Variants in NRXN3 observed in about 807,000 individuals in gnomAD.
The protein encoded by NRXN3 is neurexin III.
A neutral mutation model predicts 137.6 loss-of-function variants in NRXN3; 32 were observed. That is an observed-to-expected ratio of 0.23 (90% CI 0.18 to 0.31). NRXN3 has a LOEUF of 0.31. NRXN3 is among the 10% of genes least tolerant of loss of function. The pLI, the probability that NRXN3 is intolerant of heterozygous loss-of-function variation, is 1.00. For synonymous variants in NRXN3, 798 were observed against 784.5 expected, an observed-to-expected ratio of 1.02 and a Z score of -0.29; for missense variants, 1,574 against 2,062.5, an observed-to-expected ratio of 0.76 and a Z score of 4.59.
intron 4 of NRXN3, among the ~76,000 whole-genome samples, chr14:78,343,737 C>A (rs2082392757): frequency 6.6e-6 from 1 of 152,188 alleles, no homozygotes; most frequent in South Asian, 2.1e-4. Flanking sequence ...CAGCACAAAA[C>A]CTCCTCCAGC....
intron 4 of NRXN3, among the ~76,000 whole-genome samples, chr14:78,301,466 T>C (rs1415873242): frequency 2.0e-5 from 3 of 152,210 alleles, no homozygotes; most frequent in African/African-American, 7.2e-5. Flanking sequence ...CCATTTCTAA[T>C]CAAAGCTGTC....
chr14:78,904,852 G>A (rs1010012794), intron 10 of NRXN3, among the ~76,000 whole-genome samples: 1 of 152,020 alleles, frequency 6.6e-6, no homozygotes, highest in Middle Eastern at 3.4e-3. Context: ...TTCCCTACAC[G>A]GCTTTTCATA....
intron 15 of NRXN3, among the ~76,000 whole-genome samples, chr14:79,285,852 G>A (rs974651646): frequency 2.1e-4 from 32 of 151,334 alleles, no homozygotes; most frequent in African/African-American, 7.1e-4. Context: ...CTCACCGTGC[G>A]CTGCCCCCCA....
At position 78,835,485 on chromosome 14, in the gene NRXN3, G is replaced by A. The variant is rs532156019; in HGVS notation, c.2275+25141G>A. On this transcript the variant is annotated intron_variant, in intron 10 of 20. Transcript: ENST00000335750. ...AGGCTATTAGGACTCAGGTTGTGGG[G>A]CATCTGTGTTCTTTGTACACTATGC... is the stretch of plus-strand genomic sequence containing the variant. Among the ~76,000 whole-genome samples, 226 of 152,242 alleles carry A rather than the reference G, an allele frequency of 1.5e-3. 1 individual carries two copies. The highest frequency in any genetic ancestry group is 2.6e-3 in the Non-Finnish European group (178 of 68,018).
At chr14:78,532,900 ACTAT>A (rs1258861064) in intron 4 of NRXN3, among the ~76,000 whole-genome samples, 1 of 151,898 alleles carries the variant, frequency 6.6e-6, no homozygotes, top group Admixed American at 6.6e-5. Context: ...ATGTGACACC[ACTAT>A]CTATCTCAGC....
intron 15 of NRXN3, among the ~76,000 whole-genome samples, chr14:79,433,704 A>G (rs954120228): frequency 6.6e-6 from 1 of 152,210 alleles, no homozygotes. Flanking sequence ...TAAGATTTTA[A>G]TACCTGGCAA....
chr14:79,219,315 G>A (rs2069111218), intron 15 of NRXN3, among the ~76,000 whole-genome samples: 1 of 152,028 alleles, frequency 6.6e-6, no homozygotes, highest in African/African-American at 2.4e-5. Context: ...TTTTTTTGTA[G>A]AGACAGGGTC....
At chr14:79,153,266 A>T (rs145590672) in intron 15 of NRXN3, among the ~76,000 whole-genome samples, 48 of 152,160 alleles carry the variant, frequency 3.2e-4, no homozygotes, top group African/African-American at 1.2e-3. Context: ...ATCCATTTTC[A>T]TAAAAGATTT....
intron 16 of NRXN3, among the ~76,000 whole-genome samples, chr14:79,655,898 A>T (rs556949436): frequency 6.6e-6 from 1 of 152,148 alleles, no homozygotes; most frequent in African/African-American, 2.4e-5. Flanking sequence ...ATCTGAATCA[A>T]TCACCTTAAG....
At chr14:79,806,283 T>C (rs1173336080) in intron 20 of NRXN3, among the ~76,000 whole-genome samples, 1 of 152,144 alleles carries the variant, frequency 6.6e-6, no homozygotes, top group East Asian at 1.9e-4. Flanking sequence ...AATAATCTAA[T>C]AAAAATAAAA....
intron 4 of NRXN3, among the ~76,000 whole-genome samples, chr14:78,493,122 A>G (rs745712973): frequency 1.3e-5 from 2 of 152,118 alleles, no homozygotes; most frequent in Non-Finnish European, 2.9e-5. Context: ...ACTTTTACCC[A>G]GTTGCCAACG....
intron 10 of NRXN3, among the ~76,000 whole-genome samples, chr14:78,933,475 G>A (rs1406892321): frequency 3.9e-5 from 6 of 152,294 alleles, no homozygotes; most frequent in Middle Eastern, 3.4e-3. Flanking sequence ...CAGGCAATGC[G>A]CTAAACATTG....
intron 6 of NRXN3, among the ~76,000 whole-genome samples, chr14:78,686,529 T>C (rs2098127388): frequency 6.6e-6 from 1 of 152,204 alleles, no homozygotes; most frequent in South Asian, 2.1e-4. Flanking sequence ...TAAGAGTGAA[T>C]TGGGCTGGCC....
intron 15 of NRXN3, among the ~76,000 whole-genome samples, chr14:78,989,305 T>G (rs2099513784): frequency 6.6e-6 from 1 of 152,224 alleles, no homozygotes; most frequent in Admixed American, 6.5e-5. Flanking sequence ...TTTTTGATTC[T>G]TTATTTCTCA....
intron 15 of NRXN3, among the ~76,000 whole-genome samples, chr14:79,005,647 T>TC (rs1235647114): frequency 2.6e-5 from 4 of 152,300 alleles, no homozygotes; most frequent in Admixed American, 2.0e-4. Flanking sequence ...AAAACTCTCT[T>TC]CCCCAACGTG....
intron 15 of NRXN3, among the ~76,000 whole-genome samples, chr14:79,082,080 ATATATACACATACT>A (rs2047138228): frequency 6.6e-6 from 1 of 151,412 alleles, no homozygotes; most frequent in Non-Finnish European, 1.5e-5. Flanking sequence ...ATATATATAC[ATATATACACATACT>A]TATATATACA....
intron 3 of NRXN3, among the ~76,000 whole-genome samples, chr14:78,288,959 A>G (rs1035263599): frequency 1.3e-5 from 2 of 152,192 alleles, no homozygotes; most frequent in African/African-American, 4.8e-5. Context: ...AGTGGCAAAC[A>G]GTGAGTGGGC....
chr14:79,027,492 C>T (rs139112397), intron 15 of NRXN3, among the ~76,000 whole-genome samples: 1 of 152,094 alleles, frequency 6.6e-6, no homozygotes, highest in Non-Finnish European at 1.5e-5. Flanking sequence ...TCTGTTACTT[C>T]GAGTTGCTAG....
intron 15 of NRXN3, among the ~76,000 whole-genome samples, chr14:79,283,312 G>GT (rs2081601598): frequency 2.0e-5 from 3 of 152,054 alleles, no homozygotes; most frequent in African/African-American, 2.4e-5. Flanking sequence ...AGAGATTGTT[G>GT]TTTTTTTAAC....
Sources: allele counts gnomAD v4.1 joint callset (sites outside exome capture counted in the v4.1 genomes callset), GRCh38; gene constraint gnomAD v4.1.1; transcripts MANE v1.5; gene names NCBI Gene and HGNC (gene_info 2026-07-23, HGNC 2026-07-21).